SDC1: variants seen among roughly 807,000 people sequenced by gnomAD.
SDC1 encodes syndecan-1.
A neutral mutation model predicts 29.7 loss-of-function variants in SDC1; 14 were observed. The observed-to-expected ratio is 0.47, with a 90% CI of 0.31 to 0.74. The LOEUF is 0.74. SDC1 is among the 30% of genes least tolerant of loss of function. The pLI is 0.05. For missense variants in SDC1, 406 were observed against 400.3 expected (o/e 1.01, Z -0.12); for synonymous variants, 204 against 175.5 (o/e 1.16, Z -1.29).
intron 1 of SDC1, among the ~76,000 whole-genome samples, chr2:20,212,188 C>T (rs1677487165): frequency 6.6e-6 from 1 of 152,242 alleles, no homozygotes; most frequent in South Asian, 2.1e-4. Flanking sequence ...CAGGGACCCA[C>T]AGCACTGATC....
At chr2:20,203,671 G>A in intron 3 of SDC1, 142 bp downstream of exon 3, 1 of 690,426 alleles carries the variant, frequency 1.4e-6, no homozygotes. Flanking sequence ...GAGGCCCTGG[G>A]GGTAGGGGAA....
At chr2:20,207,926 C>T in intron 1 of SDC1, 1 of 984,874 alleles carries the variant, frequency 1.0e-6, no homozygotes, top group Non-Finnish European at 1.2e-6. Flanking sequence ...CCCATACTCA[C>T]TGGGATCATG....
At chr2:20,211,101 G>T (rs1370298376) in intron 1 of SDC1, among the ~76,000 whole-genome samples, 2 of 152,102 alleles carry the variant, frequency 1.3e-5, no homozygotes, top group Non-Finnish European at 2.9e-5. Flanking sequence ...CTGGCTGAGG[G>T]TGATAACCAA....
In SDC1 at chr2:20,224,786, C is replaced by G. The variant is rs1412947255; in HGVS notation, c.66+16G>C. 4 of 1,306,258 alleles carry G rather than the reference C, an allele frequency of 3.1e-6. No individual in the cohort carries two copies. Among genetic ancestry groups the G allele is most frequent in the Non-Finnish European group, 3.9e-6 (4 of 1,026,966 alleles). 80.9% of individuals were successfully genotyped at this position (1,306,258 alleles called of 1,614,324 possible). A position where few individuals can be genotyped will look rare whatever the true frequency, so the allele number is the denominator to read the frequency against. ...GCTTCCCGCCGCCTCCCCGCCTGGC[C>G]GCCGGCCGCACTCACCGGCAGGGCC... On this transcript the variant is annotated intron_variant, in intron 1 of 4. Coordinates refer to ENST00000254351, the MANE Select transcript of SDC1 (RefSeq NM_002997.5). This position sits in a 1 kb window ranked among gnomAD's most constrained non-coding sequence, Gnocchi z 4.9.
chr2:20,215,663 G>A (rs1314075569), intron 1 of SDC1, among the ~76,000 whole-genome samples: 1 of 152,252 alleles, frequency 6.6e-6, no homozygotes, highest in Admixed American at 6.5e-5. Context: ...TGGAACCTCT[G>A]CAAAAGCCCT....
intron 1 of SDC1, among the ~76,000 whole-genome samples, chr2:20,206,462 C>T (rs1274474136): frequency 6.6e-6 from 1 of 152,150 alleles, no homozygotes; most frequent in Non-Finnish European, 1.5e-5. Flanking sequence ...GTCAGGACTG[C>T]CTCTGCCCTT....
Position 20,224,178 on chromosome 2 carries a change from C to T in SDC1, c.66+624G>A, listed in dbSNP as rs1330895558. The T allele has an allele frequency of 7.0e-6, 3 of 426,152 alleles. No individual in the cohort carries two copies. Among genetic ancestry groups the T allele is most frequent in the African/African-American group, 2.2e-5 (1 of 46,226 alleles). The allele number at this position is 426,152 out of a possible 1,614,324, so 26.4% of individuals were successfully genotyped here. On this transcript the variant is annotated intron_variant, in intron 1 of 4. Coordinates refer to ENST00000254351, the MANE Select transcript of SDC1 (RefSeq NM_002997.5). This position sits in a 1 kb window ranked among gnomAD's most constrained non-coding sequence, Gnocchi z 4.9. ...TTCCCGGAACCTCCCGCTGCCGGGCCGGCTCAGCTCACCTCGAGCCGCCCA... is the reference window on the plus strand; with the variant it reads ...TTCCCGGAACCTCCCGCTGCCGGGCTGGCTCAGCTCACCTCGAGCCGCCCA...
intron 1 of SDC1, among the ~76,000 whole-genome samples, chr2:20,217,459 C>T (rs983054427): frequency 2.0e-5 from 3 of 152,158 alleles, no homozygotes; most frequent in Admixed American, 6.5e-5. Context: ...ACCAGTCACA[C>T]GACACAGCCA....
intron 4 of SDC1, 28 bp from the exon 5 acceptor site, chr2:20,202,963 G>C (rs1041453403): frequency 1.3e-6 from 2 of 1,588,990 alleles, no homozygotes; most frequent in African/African-American, 2.7e-5. Context: ...GGCCAGCTCA[G>C]CTCAGCGGCT....
intron 2 of SDC1, 102 bp downstream of exon 2, chr2:20,205,241 C>T: frequency 1.1e-6 from 1 of 886,432 alleles, no homozygotes; most frequent in Non-Finnish European, 1.9e-6. Context: ...AGGCAGGGTG[C>T]ACTCAGTACA....
intron 1 of SDC1, chr2:20,223,486 A>T: frequency 3.0e-6 from 1 of 334,782 alleles, no homozygotes; most frequent in Admixed American, 4.0e-5. Context: ...TGTAGTGGCG[A>T]GACACCGCCA....
chr2:20,218,159 C>A (rs1242945946), intron 1 of SDC1, among the ~76,000 whole-genome samples: 1 of 152,210 alleles, frequency 6.6e-6, no homozygotes, highest in African/African-American at 2.4e-5. Context: ...GGAAGAACGA[C>A]CCTTTGGCAG....
chr2:20,218,818 GAC>G (rs758566853), intron 1 of SDC1, among the ~76,000 whole-genome samples: 12 of 150,068 alleles, frequency 8.0e-5, no homozygotes, highest in East Asian at 5.9e-4. Flanking sequence ...TACACACGCA[GAC>G]ACACACACAC....
chr2:20,203,941 G>A lies in SDC1; in HGVS notation c.499C>T (p.Pro167Ser), dbSNP rs543171928. The A allele has an allele frequency of 6.2e-7, 1 of 1,614,066 alleles. No individual in the cohort carries two copies. The highest frequency in any genetic ancestry group is 1.3e-5 in the African/African-American group (1 of 75,048). Reference sequence around the variant, plus strand: ...AGGTCAGCTTGGCTGGGTCCTGCAGGGGTTGAGGTCTCATGGTGGCCAGGC... The same window carrying A: ...AGGTCAGCTTGGCTGGGTCCTGCAGAGGTTGAGGTCTCATGGTGGCCAGGC... ...MQPGHHETSTPAGPSQADLHT... is the reference protein window; with the variant it reads ...MQPGHHETSTSAGPSQADLHT... The change falls in exon 3 of 5, where the codon CCT (proline) becomes TCT (serine). Residue 167 changes from proline to serine, a missense_variant. Transcript: ENST00000254351.
rs111389083 is a variant in SDC1 at position 20,216,230 on chromosome 2, A to C, written c.66+8572T>G. On this transcript the variant is annotated intron_variant, in intron 1 of 4. Coordinates refer to ENST00000254351, the MANE Select transcript of SDC1 (RefSeq NM_002997.5). The stretch of plus-strand genomic sequence containing the variant: ...TTCCCCCAGGCCCCAAGTCCCTTTC[A>C]GGGAGGAAGGTGGGGGGCAGGGCCT... 2.3e-3 allele frequency among the ~76,000 whole-genome samples: 352 copies of C among 152,294 alleles called. 2 individuals carry two copies. The highest frequency in any genetic ancestry group is 4.3e-3 in the Non-Finnish European group (293 of 68,024).
intron 1 of SDC1, among the ~76,000 whole-genome samples, chr2:20,213,274 C>G (rs1299442450): frequency 1.3e-5 from 2 of 152,136 alleles, no homozygotes; most frequent in Admixed American, 6.5e-5. Context: ...CCTCTGCTTT[C>G]CCCCCCTGGC....
At chr2:20,204,653 C>A (rs572835637) in intron 2 of SDC1, among the ~76,000 whole-genome samples, 77 of 152,186 alleles carry the variant, frequency 5.1e-4, no homozygotes, top group African/African-American at 1.8e-3. Context: ...TGGCCCCACC[C>A]TCCCTGAAAA....
At chr2:20,208,373 G>C (rs1448495830) in intron 1 of SDC1, among the ~76,000 whole-genome samples, 1 of 152,196 alleles carries the variant, frequency 6.6e-6, no homozygotes, top group Non-Finnish European at 1.5e-5. Context: ...TTAAGCAAAT[G>C]TTTTCTCCAC....
intron 1 of SDC1, among the ~76,000 whole-genome samples, chr2:20,219,145 C>T (rs527937465): frequency 1.3e-5 from 2 of 152,108 alleles, no homozygotes; most frequent in Non-Finnish European, 2.9e-5. Flanking sequence ...AGATTTCCCA[C>T]GGCACACCCC....
Sources: gnomAD v4.1 joint callset for allele counts (sites outside exome capture counted in the v4.1 genomes callset) on GRCh38, gnomAD v4.1.1 for gene constraint, Gnocchi (gnomAD v3.1) non-coding constraint, MANE v1.5 for transcripts, NCBI Gene and HGNC (gene_info 2026-07-23, HGNC 2026-07-21) for gene names.